FTSJ3: variants seen among roughly 807,000 people sequenced by gnomAD.
FTSJ3 encodes the protein FtsJ RNA 2'-O-methyltransferase 3, also known as pre-rRNA 2'-O-ribose RNA methyltransferase FTSJ3.
Under a neutral mutation model 111.5 loss-of-function variants are expected in FTSJ3, and 46 were observed. The ratio of observed to expected loss-of-function variants is 0.41; its 90% CI spans 0.33 to 0.53. The LOEUF is 0.53. Among genes scored for constraint, FTSJ3 ranks in the 20% least tolerant of loss-of-function variants. The pLI is 0.19. For synonymous variants in FTSJ3, 408 were observed against 383.0 expected (o/e 1.07, Z -0.76); for missense variants, 1,075 against 1,063.8 (o/e 1.01, Z -0.15).
intron 1 of FTSJ3, 40 bp downstream of exon 1, chr17:63,827,002 TTTCCCACTTC>T: frequency 2.0e-6 from 1 of 494,974 alleles, no homozygotes; most frequent in Non-Finnish European, 3.2e-6. Flanking sequence ...CCACTTCCAG[TTTCCCACTTC>T]CCGCAGCAAT....
In FTSJ3 at chr17:63,824,835, T is replaced by C. The variant is rs1475445827; in HGVS notation, c.806A>G (p.Lys269Arg). 1 of 1,610,110 alleles carries C rather than the reference T, an allele frequency of 6.2e-7. No homozygotes were observed. Among genetic ancestry groups the C allele is most frequent in the Admixed American group, 1.7e-5 (1 of 59,896 alleles). ...RAANPVDFLS[K>R]ASEIMVDDEE... ...AGGCTGGAGACTCACTTCGCTGGCCTTGGAGAGGAAGTCAACAGGGTTGGC... is the reference window on the plus strand; with the variant it reads ...AGGCTGGAGACTCACTTCGCTGGCCCTGGAGAGGAAGTCAACAGGGTTGGC... Residue 269 changes from lysine (K) to arginine (R), a missense_variant, in exon 9 of 21, where the codon AAG becomes AGG. Coordinates refer to ENST00000427159, the MANE Select transcript of FTSJ3 (RefSeq NM_017647.4).
At chr17:63,822,809 C>T (rs996786287) in intron 13 of FTSJ3, among the ~76,000 whole-genome samples, 1 of 148,186 alleles carries the variant, frequency 6.7e-6, no homozygotes, top group Non-Finnish European at 1.5e-5. Flanking sequence ...ACTCCAACTA[C>T]TATTTCTTGA....
At chr17:63,825,662 A>ACGCCTGT (rs1567754354) in intron 5 of FTSJ3, 27 bp from the exon 6 acceptor site, 1 of 1,586,842 alleles carries the variant, frequency 6.3e-7, no homozygotes, top group Admixed American at 1.7e-5. Context: ...GAACTATGGA[A>ACGCCTGT]ACAGAAACAC....
intron 6 of FTSJ3, 37 bp from the exon 7 acceptor site, chr17:63,825,473 G>T (rs760292420): frequency 6.2e-7 from 1 of 1,612,194 alleles, no homozygotes; most frequent in Admixed American, 1.7e-5. Context: ...GCACTCTGCA[G>T]CCCAGGAGGG....
rs549512066 is a variant in FTSJ3, at chr17:63,822,218, T to G, written c.1291-50A>C. 4.0e-5 allele frequency: 60 copies of G among 1,502,892 alleles called. No individual in the cohort carries two copies. The South Asian group carries it at 4.0e-4, about 10-fold the overall frequency. 93.1% of individuals were successfully genotyped at this position (1,502,892 alleles called of 1,614,324 possible). A position where few individuals can be genotyped will look rare whatever the true frequency, so the allele number is the denominator to read the frequency against. On this transcript the variant is annotated intron_variant, in intron 13 of 20. Transcript: ENST00000427159. ...AAACTATTTAAAAGGAAATATACTG[T>G]TTTTTTTTCTGTGTCCCTCACCTCA...
At chr17:63,821,153 C>CT (rs1452599892) in intron 16 of FTSJ3, 38 bp from the exon 17 acceptor site, 19 of 1,601,272 alleles carry the variant, frequency 1.2e-5, no homozygotes, top group Non-Finnish European at 1.6e-5. Context: ...TTCCACCACT[C>CT]TGTACTACTC....
rs1320134338 is a variant in FTSJ3, at chr17:63,820,371, T to G, written c.2140A>C (p.Ile714Leu). 1 of 1,614,182 alleles carries G rather than the reference T, an allele frequency of 6.2e-7. No homozygotes were observed. Among genetic ancestry groups the G allele is most frequent in the Admixed American group, 1.7e-5 (1 of 60,016 alleles). Residue 714 changes from isoleucine (I) to leucine (L), a missense_variant, in exon 19 of 21, where the codon ATA becomes CTA. Ile to Leu is a conservative substitution (Grantham distance 5). Transcript: ENST00000427159. Reference sequence around the variant, plus strand: ...TTCTTACCAACAGGCAACTGTCGTATCCGGTGCTGCTTTTCCTCTTGCACA... The same window carrying G: ...TTCTTACCAACAGGCAACTGTCGTAGCCGGTGCTGCTTTTCCTCTTGCACA... ...WFVQEEKQHR[I>L]RQLPVGKKEV...
rs775781377 is a variant in FTSJ3, at chr17:63,820,819, T to TCAA, written c.2072+19_2072+20insTTG. 1 of 1,569,700 alleles carries TCAA rather than the reference T, an allele frequency of 6.4e-7. No homozygotes were observed. Among genetic ancestry groups the TCAA allele is most frequent in the Admixed American group, 1.7e-5 (1 of 59,900 alleles). Reference sequence around the variant, plus strand: ...CCACCAGACCCTGGGTCACTCTTGATGAGTTTATGGCCCCTTTACCGGTTG... The same window carrying TCAA: ...CCACCAGACCCTGGGTCACTCTTGATCAAGAGTTTATGGCCCCTTTACCGGTTG... On this transcript the variant is annotated intron_variant, in intron 18 of 20. Transcript: ENST00000427159.
At chr17:63,827,027 C>G in intron 1 of FTSJ3, 25 bp downstream of exon 1, 4 of 828,266 alleles carry the variant, frequency 4.8e-6, no homozygotes, top group South Asian at 4.4e-5. Context: ...AGCAATTCCA[C>G]CCCGCGCCCC....
chr17:63,824,713 C>T lies in FTSJ3; in HGVS notation c.841G>A (p.Ala281Thr). The T allele has an allele frequency of 1.2e-6, 2 of 1,613,982 alleles. No individual in the cohort carries two copies. Among genetic ancestry groups the T allele is most frequent in the South Asian group, 1.1e-5 (1 of 91,078 alleles). The change falls in exon 10 of 21, where the codon GCA (alanine) becomes ACA (threonine). Residue 281 changes from alanine to threonine, a missense_variant. Physicochemically the swap from Ala to Thr is moderately conservative, Grantham distance 58 (BLOSUM62 0). Transcript: ENST00000427159. ...SEIMVDDEEL[A>T]QHPATTEDIR... ...TCCTCAGTGGTAGCTGGATGCTGTGCCAACTCTTCATCATCTACCATGATC... is the reference window on the plus strand; with the variant it reads ...TCCTCAGTGGTAGCTGGATGCTGTGTCAACTCTTCATCATCTACCATGATC...
chr17:63,824,080 T>C lies in FTSJ3; in HGVS notation c.1154+4A>G. 1 of 1,614,166 alleles carries C rather than the reference T, an allele frequency of 6.2e-7. No homozygotes were observed. The highest frequency in any genetic ancestry group is 1.1e-5 in the South Asian group (1 of 91,078). The stretch of plus-strand genomic sequence containing the variant: ...ACTCCAAGCTCTACCCCAGCTCCTT[T>C]CACCTCTTCAATTCCGCCACCTCCT... On this transcript the variant is annotated splice_donor_region_variant and intron_variant, in intron 12 of 20. Transcript: ENST00000427159.
At position 63,825,597 on chromosome 17, in the gene FTSJ3, A is replaced by G. The variant is rs376139804; in HGVS notation, c.339T>C (p.Val113=). 13 of 1,614,044 alleles carry G rather than the reference A, an allele frequency of 8.1e-6. No homozygotes were observed. In the African/African-American group the frequency reaches 1.7e-4, roughly 22 times the overall value. ...RKELKTWKVD[V]VLNDGAPNVG... The stretch of plus-strand genomic sequence containing the variant: ...CGTTGGGGGCCCCATCATTGAGCAC[A>G]ACATCAACCTTCCAGGTCTTCAGCT... Residue 113 remains valine, a synonymous_variant, in exon 6 of 21, where the codon GTT becomes GTC. Transcript: ENST00000427159.
At position 63,823,959 on chromosome 17, in the gene FTSJ3, G is replaced by A. The variant is rs190604882; in HGVS notation, c.1155-7C>T. ...CAACAGCTTCTTTTTCTTCCTGAGG[G>A]GGTGGATTGAGGGAGTAAAACCGGC... On this transcript the variant is annotated splice_region_variant and splice_polypyrimidine_tract_variant and intron_variant, in intron 12 of 20. Transcript: ENST00000427159. The A allele has an allele frequency of 2.6e-4, 427 of 1,614,144 alleles. 1 individual carries two copies. Among genetic ancestry groups the A allele is most frequent in the Non-Finnish European group, 3.4e-4 (398 of 1,180,012 alleles).
At chr17:63,823,749 C>G (rs936645762) in intron 13 of FTSJ3, 68 bp downstream of exon 13, 2 of 1,546,410 alleles carry the variant, frequency 1.3e-6, no homozygotes, top group Non-Finnish European at 1.8e-6. Flanking sequence ...ACATTCAACA[C>G]CCCCCACCTC....
chr17:63,826,769 C>T, intron 2 of FTSJ3, 67 bp downstream of exon 2: 1 of 1,577,532 alleles, frequency 6.3e-7, no homozygotes, highest in Non-Finnish European at 8.7e-7. Context: ...ACATAATGGT[C>T]GCAAAGAGCA....
Position 63,820,937 on chromosome 17 carries a change from C to A in FTSJ3, c.1974G>T (p.Ala658=), listed in dbSNP as rs749932773. Residue 658 remains alanine (A), a splice_region_variant and synonymous_variant, in exon 18 of 21, where the codon GCG becomes GCT. Transcript: ENST00000427159. ...CTTCGGGGTCCAGTATCCGATGTTT[C>A]GCTAGAGAGGGAAGGAGAAAGGTCA... ...GFEIVPIEDP[A]KHRILDPEGL... 6.2e-7 allele frequency: 1 copy of A among 1,613,974 alleles called. No individual in the cohort carries two copies. The highest frequency in any genetic ancestry group is 8.5e-7 in the Non-Finnish European group (1 of 1,179,856).
chr17:63,823,982 G>C (rs751668089), intron 12 of FTSJ3, 30 bp from the exon 13 acceptor site: 1 of 1,613,828 alleles, frequency 6.2e-7, no homozygotes. Context: ...GAGTAAAACC[G>C]GCCCAGCTCC....
At chr17:63,825,944 C>T (rs934685299) in intron 5 of FTSJ3, 112 bp downstream of exon 5, 2 of 844,932 alleles carry the variant, frequency 2.4e-6, no homozygotes, top group Non-Finnish European at 3.8e-6. Flanking sequence ...GTACAGATGT[C>T]AGGCAAGAAC....
At position 63,826,885 on chromosome 17, in the gene FTSJ3, T is replaced by TTTGCCCTTC; in HGVS notation, c.9_17dup (p.Lys4_Lys6dup). On this transcript the variant is annotated inframe_insertion, in exon 2 of 21. Coordinates refer to ENST00000427159, the MANE Select transcript of FTSJ3 (RefSeq NM_017647.4). The stretch of plus-strand genomic sequence containing the variant: ...ACTTGTCTCGTCGGCTCTTGCCAAC[T>TTTGCCCTTC]TTGCCCTTCTTGCCCATGGTGGAAA... 6.2e-7 allele frequency: 1 copy of TTTGCCCTTC among 1,614,032 alleles called. No individual in the cohort carries two copies. The highest frequency in any genetic ancestry group is 1.1e-5 in the South Asian group (1 of 91,082).
Sources: gnomAD v4.1 joint callset for allele counts (sites outside exome capture counted in the v4.1 genomes callset) on GRCh38, gnomAD v4.1.1 for gene constraint, MANE v1.5 for transcripts, NCBI Gene and HGNC (gene_info 2026-07-23, HGNC 2026-07-21) for gene names.